AOPEP: variants seen among roughly 807,000 people sequenced by gnomAD.
AOPEP encodes the protein aminopeptidase O (putative), also known as aminopeptidase O.
A neutral mutation model predicts 98.1 loss-of-function variants in AOPEP; 77 were observed. The ratio of observed to expected loss-of-function variants is 0.78; its 90% CI spans 0.65 to 0.95. The LOEUF is 0.95. Ranked by LOEUF, AOPEP falls within the 40% of genes least tolerant of loss-of-function variation. AOPEP has a pLI of 0.00. For missense variants in AOPEP, 1,024 were observed against 1,024.7 expected, an observed-to-expected ratio of 1.00 and a Z score of 0.01; for synonymous variants, 346 against 365.3, an observed-to-expected ratio of 0.95 and a Z score of 0.60.
At chr9:94,925,980 C>A (rs1564391328) in intron 6 of AOPEP, among the ~76,000 whole-genome samples, 1 of 152,188 alleles carries the variant, frequency 6.6e-6, no homozygotes, top group Admixed American at 6.5e-5. Context: ...TTTGTGTTTC[C>A]CTCCGTCTTA....
intron 5 of AOPEP, among the ~76,000 whole-genome samples, chr9:94,921,824 G>T (rs2053653938): frequency 6.6e-6 from 1 of 152,122 alleles, no homozygotes; most frequent in Admixed American, 6.5e-5. Context: ...AGATAGTGGG[G>T]TCATTTGTAT....
intron 16 of AOPEP, chr9:95,083,159 G>T (rs532997898): frequency 6.8e-5 from 12 of 177,702 alleles, no homozygotes; most frequent in Non-Finnish European, 1.3e-4. Context: ...GCTTCTGCAA[G>T]CAGATGTTTT....
At chr9:95,096,228 G>T in the AOPEP span, among the ~76,000 whole-genome samples, 2 of 152,132 alleles carry the variant, frequency 1.3e-5, no homozygotes, top group Non-Finnish European at 2.9e-5. Flanking sequence ...ACTAAATTCT[G>T]TACATGTACA....
chr9:95,101,526 G>C, the AOPEP span: 1 of 736,854 alleles, frequency 1.4e-6, no homozygotes, highest in Non-Finnish European at 2.3e-6. Context: ...TGGGCTGAGG[G>C]ACCTGGCTCT....
chr9:94,924,851 G>T (rs753383986), intron 6 of AOPEP, among the ~76,000 whole-genome samples: 3 of 152,262 alleles, frequency 2.0e-5, no homozygotes, highest in Middle Eastern at 3.4e-3. Flanking sequence ...AAAATACCAC[G>T]CAAGACAAAC....
chr9:94,752,359 TCA>T (rs58626205), intron 1 of AOPEP, among the ~76,000 whole-genome samples: 7,754 of 140,454 alleles, frequency 0.055, 468 homozygotes, highest in African/African-American at 0.18. Flanking sequence ...TCTCTCTCTC[TCA>T]CACACACACA....
At chr9:95,073,944 G>GTGT (rs1564606058) in intron 14 of AOPEP, among the ~76,000 whole-genome samples, 1 of 152,224 alleles carries the variant, frequency 6.6e-6, no homozygotes, top group East Asian at 1.9e-4. Context: ...TGATTTCAGT[G>GTGT]TGTGTCTATA....
At chr9:95,149,653 A>C in the AOPEP span, among the ~76,000 whole-genome samples, 3 of 152,046 alleles carry the variant, frequency 2.0e-5, no homozygotes, top group African/African-American at 7.2e-5. Flanking sequence ...TAATTTTTGC[A>C]TTTTTAGTAG....
At chr9:94,922,716 A>G (rs2053799902) in intron 5 of AOPEP, among the ~76,000 whole-genome samples, 1 of 151,076 alleles carries the variant, frequency 6.6e-6, no homozygotes, top group African/African-American at 2.4e-5. Flanking sequence ...GAGTGCCCCA[A>G]CTCCACTTGT....
At chr9:94,737,694 T>TA (rs990171188) in intron 1 of AOPEP, among the ~76,000 whole-genome samples, 3 of 152,232 alleles carry the variant, frequency 2.0e-5, no homozygotes, top group African/African-American at 7.2e-5. Flanking sequence ...AGTCACTTCT[T>TA]AAAATATAAG....
intron 9 of AOPEP, among the ~76,000 whole-genome samples, chr9:94,960,454 T>C (rs563529361): frequency 6.6e-6 from 1 of 152,200 alleles, no homozygotes; most frequent in African/African-American, 2.4e-5. Context: ...TTATGTACTT[T>C]AACTACTTTC....
chr9:95,068,408 G>A lies in AOPEP; in HGVS notation c.2232+7598G>A, dbSNP rs990933402. Among the ~76,000 whole-genome samples the A allele has an allele frequency of 6.6e-5, 10 of 152,012 alleles. 1 individual carries two copies. The highest frequency in any genetic ancestry group is 2.1e-4 in the South Asian group (1 of 4,826). On this transcript the variant is annotated intron_variant, in intron 14 of 16. Coordinates refer to ENST00000375315, the MANE Select transcript of AOPEP (RefSeq NM_001193329.3). ...TGTCGTCGTCATTCCTTTTTTTCACGTATTGACTAATGGTGTTGAGCATCT... is the reference window on the plus strand; with the variant it reads ...TGTCGTCGTCATTCCTTTTTTTCACATATTGACTAATGGTGTTGAGCATCT...
intron 13 of AOPEP, among the ~76,000 whole-genome samples, chr9:95,041,837 G>A (rs948435889): frequency 6.6e-6 from 1 of 151,934 alleles, no homozygotes; most frequent in African/African-American, 2.4e-5. Context: ...CAGAAGGCCC[G>A]TAGACCTCCT....
At position 95,082,729 on chromosome 9, in the gene AOPEP, T is replaced by A; in HGVS notation, c.*4+10T>A. 6.2e-7 allele frequency: 1 copy of A among 1,613,874 alleles called. No homozygotes were observed. Among genetic ancestry groups the A allele is most frequent in the Non-Finnish European group, 8.5e-7 (1 of 1,179,826 alleles). On this transcript the variant is annotated intron_variant, in intron 16 of 16. Transcript: ENST00000375315. The stretch of plus-strand genomic sequence containing the variant: ...ATGTTATTTTAACGAGGTGATTCTC[T>A]CCCTTTCCTTTCTGTCATTTAGTTC...
intron 5 of AOPEP, among the ~76,000 whole-genome samples, chr9:94,835,799 C>G (rs993070495): frequency 6.6e-6 from 1 of 152,164 alleles, no homozygotes; most frequent in African/African-American, 2.4e-5. Flanking sequence ...CAAGGTATTT[C>G]TTTATTATGG....
intron 13 of AOPEP, among the ~76,000 whole-genome samples, chr9:95,009,054 A>G (rs2062271582): frequency 6.6e-6 from 1 of 152,218 alleles, no homozygotes; most frequent in African/African-American, 2.4e-5. Context: ...GGAAAGTATG[A>G]ATAACTAACG....
Position 94,818,350 on chromosome 9 carries a change from A to T in AOPEP, c.1364+17348A>T, listed in dbSNP as rs139303966. On this transcript the variant is annotated intron_variant, in intron 5 of 16. Coordinates refer to ENST00000375315, the MANE Select transcript of AOPEP (RefSeq NM_001193329.3). ...GTGAATCACAGATTCTACAGTTCCTATCAACCCAATGTCTAAAATAATTCT... is the reference window on the plus strand; with the variant it reads ...GTGAATCACAGATTCTACAGTTCCTTTCAACCCAATGTCTAAAATAATTCT... Among the ~76,000 whole-genome samples, 4 of 152,330 alleles carry T rather than the reference A, an allele frequency of 2.6e-5. No homozygotes were observed. The South Asian group carries it at 8.3e-4, about 32-fold the overall frequency.
chr9:94,992,931 C>T (rs188377231), intron 11 of AOPEP, among the ~76,000 whole-genome samples: 1 of 152,284 alleles, frequency 6.6e-6, no homozygotes, highest in East Asian at 1.9e-4. Context: ...TATACTTTGT[C>T]CTGTATGGTG....
chr9:95,045,181 C>T (rs2065731405), intron 13 of AOPEP, among the ~76,000 whole-genome samples: 1 of 152,242 alleles, frequency 6.6e-6, no homozygotes, highest in African/African-American at 2.4e-5. Context: ...GCGCCCCTAG[C>T]GTCTGCGAAA....
Sources: allele counts gnomAD v4.1 joint callset (sites outside exome capture counted in the v4.1 genomes callset), GRCh38; gene constraint gnomAD v4.1.1; transcripts MANE v1.5; gene names NCBI Gene and HGNC (gene_info 2026-07-23, HGNC 2026-07-21).